Variants in ROBO1 observed in about 807,000 individuals in gnomAD.
The protein encoded by ROBO1 is roundabout guidance receptor 1.
In ROBO1, 149 loss-of-function variants were observed where a neutral mutation model predicts 195.9. The ratio of observed to expected loss-of-function variants is 0.76; its 90% confidence interval spans 0.67 to 0.87. ROBO1 has a LOEUF of 0.87. Ranked by LOEUF, ROBO1 falls within the 40% of genes least tolerant of loss-of-function variation. The pLI is 0.00. For synonymous variants in ROBO1, 816 were observed against 733.2 expected, an observed-to-expected ratio of 1.11 and a Z score of -1.82; for missense variants, 1,933 against 2,068.3, an observed-to-expected ratio of 0.93 and a Z score of 1.27.
intron 2 of ROBO1, among the ~76,000 whole-genome samples, chr3:79,212,900 T>C (rs1438559219): frequency 6.6e-6 from 1 of 152,062 alleles, no homozygotes; most frequent in Admixed American, 6.6e-5. Context: ...GCTCTGGGTG[T>C]AGACTTTAGC....
intron 2 of ROBO1, among the ~76,000 whole-genome samples, chr3:79,138,149 T>A (rs1452287904): frequency 6.6e-6 from 1 of 152,128 alleles, no homozygotes; most frequent in South Asian, 2.1e-4. Flanking sequence ...ATTTTTTTGA[T>A]AATTATTTCT....
chr3:79,246,148 G>A (rs936095200), intron 2 of ROBO1, among the ~76,000 whole-genome samples: 8 of 152,152 alleles, frequency 5.3e-5, no homozygotes, highest in East Asian at 1.9e-4. Context: ...TGGATATATT[G>A]TCATTTTAAA....
intron 2 of ROBO1, among the ~76,000 whole-genome samples, chr3:79,564,199 C>G (rs1444216857): frequency 1.3e-5 from 2 of 151,956 alleles, no homozygotes; most frequent in Non-Finnish European, 2.9e-5. Flanking sequence ...TGGAACTTCT[C>G]ATTTGAAAAA....
At chr3:78,911,174 G>A (rs140943678) in intron 4 of ROBO1, among the ~76,000 whole-genome samples, 1,905 of 152,056 alleles carry the variant, frequency 0.013, 17 homozygotes, top group Non-Finnish European at 0.021. Flanking sequence ...AGAAAACATG[G>A]AACCACAGAC....
intron 2 of ROBO1, among the ~76,000 whole-genome samples, chr3:79,506,632 A>T (rs920050688): frequency 7.2e-5 from 11 of 152,108 alleles, no homozygotes; most frequent in African/African-American, 2.7e-4. Flanking sequence ...TTTAGTAGAG[A>T]CAGGGTTTCA....
At chr3:79,467,728 C>A (rs1489035958) in intron 2 of ROBO1, among the ~76,000 whole-genome samples, 3 of 152,124 alleles carry the variant, frequency 2.0e-5, no homozygotes, top group Admixed American at 6.5e-5. Context: ...GGATGCCAGG[C>A]AAGAACCTGG....
chr3:79,270,479 C>A (rs932945556), intron 2 of ROBO1, among the ~76,000 whole-genome samples: 1 of 151,054 alleles, frequency 6.6e-6, no homozygotes, highest in Non-Finnish European at 1.5e-5. Flanking sequence ...TCAGTAAAGA[C>A]TGCACAAAAT....
intron 3 of ROBO1, among the ~76,000 whole-genome samples, chr3:79,117,199 C>T (rs1352589548): frequency 6.6e-6 from 1 of 151,824 alleles, no homozygotes; most frequent in Non-Finnish European, 1.5e-5. Context: ...GAAACCCCAT[C>T]TCTACTAAAA....
chr3:79,726,200 C>A lies in ROBO1; in HGVS notation c.-51+41552G>T, dbSNP rs550503205. Among the ~76,000 whole-genome samples the A allele has an allele frequency of 1.7e-4, 26 of 152,286 alleles. No homozygotes were observed. In the East Asian group the frequency reaches 5.0e-3, roughly 29 times the overall value. On this transcript the variant is annotated intron_variant, in intron 1 of 30. Coordinates refer to ENST00000464233, the MANE Select transcript of ROBO1 (RefSeq NM_002941.4). ...GTTAGTTCACTATAGACAAAGAATGCCTTAGGGCATTGGGGCATAATCCTC... is the reference window on the plus strand; with the variant it reads ...GTTAGTTCACTATAGACAAAGAATGACTTAGGGCATTGGGGCATAATCCTC...
intron 30 of ROBO1, 41 bp from the exon 31 acceptor site, chr3:78,598,968 TA>T: frequency 3.0e-6 from 4 of 1,355,116 alleles, no homozygotes; most frequent in South Asian, 1.4e-5. Flanking sequence ...AAATAAATCT[TA>T]AGAGGATTGT....
rs894093151 is a variant in ROBO1, at chr3:79,448,902, A to T, written c.88+140922T>A. ...TGGTTGTTTTAACATATTTGTATCC[A>T]AGCCTTTGAAGGGATGATAATTTCT... On this transcript the variant is annotated intron_variant, in intron 2 of 30. Transcript: ENST00000464233. 5.9e-5 allele frequency among the ~76,000 whole-genome samples: 9 copies of T among 152,168 alleles called. No individual in the cohort carries two copies. In the South Asian group the frequency reaches 8.3e-4, roughly 14 times the overall value.
chr3:79,670,376 G>C (rs148468697), intron 1 of ROBO1, among the ~76,000 whole-genome samples: 1 of 150,992 alleles, frequency 6.6e-6, no homozygotes, highest in Non-Finnish European at 1.5e-5. Context: ...ATGAAATTGC[G>C]CAACAGCATC....
At chr3:79,607,095 GCACA>G (rs35692271) in intron 1 of ROBO1, among the ~76,000 whole-genome samples, 336 of 140,036 alleles carry the variant, frequency 2.4e-3, no homozygotes, top group East Asian at 4.0e-3. Flanking sequence ...ATTAAAACCT[GCACA>G]CACACACACA....
chr3:78,867,760 T>G (rs1274033374), intron 4 of ROBO1, among the ~76,000 whole-genome samples: 1 of 152,152 alleles, frequency 6.6e-6, no homozygotes, highest in African/African-American at 2.4e-5. Context: ...TCCAGCTTTT[T>G]TAAAAGCCAA....
chr3:79,018,578 C>A lies in ROBO1; in HGVS notation c.173-79651G>T, dbSNP rs1029133118. On this transcript the variant is annotated intron_variant, in intron 3 of 30. Transcript: ENST00000464233. Reference sequence around the variant, plus strand: ...AAGGCTTAATATAAGCAACGTGGGTCAATTAGCCAAGAGTTTTCAGGGCAA... The same window carrying A: ...AAGGCTTAATATAAGCAACGTGGGTAAATTAGCCAAGAGTTTTCAGGGCAA... 6.6e-6 allele frequency: 10 copies of A among 1,509,580 alleles called. No homozygotes were observed. In the African/African-American group the frequency reaches 1.2e-4, roughly 19 times the overall value. 93.5% of individuals were successfully genotyped at this position (1,509,580 alleles called of 1,614,324 possible).
intron 2 of ROBO1, among the ~76,000 whole-genome samples, chr3:79,481,389 A>G (rs1938850573): frequency 6.6e-6 from 1 of 152,216 alleles, no homozygotes; most frequent in African/African-American, 2.4e-5. Context: ...AAATCCAGGT[A>G]TAAGTGCACA....
At chr3:79,200,026 TAAG>T (rs1464555463) in intron 2 of ROBO1, among the ~76,000 whole-genome samples, 3 of 151,400 alleles carry the variant, frequency 2.0e-5, no homozygotes, top group Non-Finnish European at 4.4e-5. Context: ...AGATAAAAAA[TAAG>T]GAGGACCATC....
At chr3:78,682,377 G>A (rs959876556) in intron 10 of ROBO1, among the ~76,000 whole-genome samples, 1 of 150,282 alleles carries the variant, frequency 6.7e-6, no homozygotes. Flanking sequence ...TTTATGTCAT[G>A]TAAAAAATAT....
intron 4 of ROBO1, among the ~76,000 whole-genome samples, chr3:78,903,491 A>G (rs2037708857): frequency 6.6e-6 from 1 of 151,906 alleles, no homozygotes; most frequent in Non-Finnish European, 1.5e-5. Flanking sequence ...ATAAAAAAAA[A>G]AGTATAAAAA....
Sources: allele counts gnomAD v4.1 joint callset (sites outside exome capture counted in the v4.1 genomes callset), GRCh38; gene constraint gnomAD v4.1.1; transcripts MANE v1.5; gene names NCBI Gene and HGNC (gene_info 2026-07-23, HGNC 2026-07-21).